Variants in L3MBTL1 observed in about 807,000 individuals in gnomAD.
L3MBTL1 encodes L3MBTL histone methyl-lysine binding protein 1.
Under a neutral mutation model 105.3 loss-of-function variants are expected in L3MBTL1, and 75 were observed. The ratio of observed to expected loss-of-function variants is 0.71; its 90% CI spans 0.59 to 0.86. L3MBTL1 has a LOEUF of 0.86. Ranked by LOEUF, L3MBTL1 falls within the 40% of genes least tolerant of loss-of-function variation. The pLI is 0.00. For missense variants in L3MBTL1, 1,069 were observed against 1,126.4 expected (o/e 0.95, Z 0.73); for synonymous variants, 452 against 436.2 (o/e 1.04, Z -0.45).
At chr20:43,529,065 C>T (rs1439545629) in intron 8 of L3MBTL1, 199 bp from the exon 9 acceptor site, 2 of 607,132 alleles carry the variant, frequency 3.3e-6, no homozygotes, top group Non-Finnish European at 5.9e-6. Context: ...CCAGCCCTGA[C>T]TCACCCACAT....
At chr20:43,510,550 G>A (rs571123801) in intron 1 of L3MBTL1, among the ~76,000 whole-genome samples, 13 of 146,670 alleles carry the variant, frequency 8.9e-5, no homozygotes, top group East Asian at 6.2e-4. Context: ...GATTACAGGC[G>A]CCTGCCACCA....
At chr20:43,535,960 G>A (rs747714956) in intron 17 of L3MBTL1, 24 bp downstream of exon 17, 13 of 1,601,260 alleles carry the variant, frequency 8.1e-6, no homozygotes, top group Non-Finnish European at 1.1e-5. Context: ...CCTGGTGAGA[G>A]ACCCTCAGCG....
At position 43,525,662 on chromosome 20, in the gene L3MBTL1, G is replaced by T. The variant is rs140043644; in HGVS notation, c.863-2995G>T. On this transcript the variant is annotated intron_variant, in intron 7 of 21. Coordinates refer to ENST00000418998, the MANE Select transcript of L3MBTL1 (RefSeq NM_001377303.1). The stretch of plus-strand genomic sequence containing the variant: ...AGGCAGGAAACTGAATTTGGCTGGG[G>T]GTGTTGGTCAGGGAAGGAATCTAGT... 4.9e-3 allele frequency among the ~76,000 whole-genome samples: 754 copies of T among 152,324 alleles called. 6 individuals are homozygous for T. Among genetic ancestry groups the T allele is most frequent in the African/African-American group, 0.017 (704 of 41,574 alleles).
chr20:43,519,588 A>G (rs2018599733), intron 7 of L3MBTL1, among the ~76,000 whole-genome samples: 2 of 152,200 alleles, frequency 1.3e-5, no homozygotes, highest in Admixed American at 6.5e-5. Context: ...GTGAGTTGAG[A>G]TCGTGCCATT....
chr20:43,542,883 G>A (rs1394146560), downstream of L3MBTL1, among the ~76,000 whole-genome samples: 1 of 152,134 alleles, frequency 6.6e-6, no homozygotes, highest in East Asian at 1.9e-4. Flanking sequence ...GCTGACTGGT[G>A]TTCCATTTCA....
chr20:43,515,553 C>G (rs369969212), intron 6 of L3MBTL1, 138 bp downstream of exon 6: 3 of 1,190,202 alleles, frequency 2.5e-6, no homozygotes, highest in South Asian at 1.6e-5. Context: ...ATTTTGGGGT[C>G]CCATCCTGAG....
rs553920482 is a variant in L3MBTL1, at chr20:43,540,583, C to T, written c.2332-170C>T. 3.6e-4 allele frequency among the ~76,000 whole-genome samples: 55 copies of T among 152,268 alleles called. No homozygotes were observed. In the South Asian group the frequency reaches 0.011, roughly 30 times the overall value. On this transcript the variant is annotated intron_variant, in intron 20 of 21. Transcript: ENST00000418998. ...AGGCTTCGGTCCCAGGCCTCAGAAG[C>T]AAGGGGCCCAACTTGGCACATCTGC...
intron 7 of L3MBTL1, among the ~76,000 whole-genome samples, chr20:43,521,392 G>A (rs1243184353): frequency 6.6e-6 from 1 of 152,160 alleles, no homozygotes; most frequent in Admixed American, 6.5e-5. Context: ...GAAGCTTCCC[G>A]AAGGAATAAG....
chr20:43,507,920 G>A (rs555661030), intron 1 of L3MBTL1, among the ~76,000 whole-genome samples, 176 bp downstream of exon 1: 51 of 152,274 alleles, frequency 3.3e-4, no homozygotes, highest in African/African-American at 1.2e-3. Flanking sequence ...CGGGGAAAGC[G>A]GTCTGGGCGG....
chr20:43,541,798 T>C lies in L3MBTL1; in HGVS notation c.*670T>C, dbSNP rs2019926953. 1 of 982,526 alleles carries C rather than the reference T, an allele frequency of 1.0e-6. No individual in the cohort carries two copies. Among genetic ancestry groups the C allele is most frequent in the Non-Finnish European group, 1.2e-6 (1 of 827,170 alleles). 60.9% of individuals were successfully genotyped at this position (982,526 alleles called of 1,614,324 possible). A position where few individuals can be genotyped will look rare whatever the true frequency, so the allele number is the denominator to read the frequency against. On this transcript the variant is annotated 3_prime_UTR_variant, in exon 22 of 22. Coordinates refer to ENST00000418998, the MANE Select transcript of L3MBTL1 (RefSeq NM_001377303.1). Reference sequence around the variant, plus strand: ...ATGGCTGTGTATCACTAGTATATAATAGAGCAATATTATGGAGGAATATGT... The same window carrying C: ...ATGGCTGTGTATCACTAGTATATAACAGAGCAATATTATGGAGGAATATGT...
chr20:43,509,927 G>A lies in L3MBTL1; in HGVS notation c.-29+2183G>A, dbSNP rs147870330. Among the ~76,000 whole-genome samples, 1,240 of 152,246 alleles carry A rather than the reference G, an allele frequency of 8.1e-3. 42 individuals carry two copies. The South Asian group carries it at 0.12, about 14-fold the overall frequency. On this transcript the variant is annotated intron_variant, in intron 1 of 21. Coordinates refer to ENST00000418998, the MANE Select transcript of L3MBTL1 (RefSeq NM_001377303.1). Reference sequence around the variant, plus strand: ...CACTCAGGCTGGAGTGCAGTGGCGCGATCTTGGCTCACTGCAACCTCCACC... The same window carrying A: ...CACTCAGGCTGGAGTGCAGTGGCGCAATCTTGGCTCACTGCAACCTCCACC...
chr20:43,528,607 C>A, intron 7 of L3MBTL1, 50 bp from the exon 8 acceptor site: 1 of 1,411,708 alleles, frequency 7.1e-7, no homozygotes, highest in South Asian at 1.2e-5. Context: ...CGAAGAAAGT[C>A]ATATATCAGG....
At chr20:43,525,130 G>C (rs946553713) in intron 7 of L3MBTL1, among the ~76,000 whole-genome samples, 2 of 149,958 alleles carry the variant, frequency 1.3e-5, no homozygotes, top group Non-Finnish European at 3.0e-5. Context: ...AAAAAAAAAA[G>C]GCATAAAGTA....
rs778975108 is a variant in L3MBTL1, at chr20:43,514,301, TG to T, written c.360+245del. 9.1e-5 allele frequency: 79 copies of T among 867,404 alleles called. 2 individuals are homozygous for T. Among genetic ancestry groups the T allele is most frequent in the East Asian group, 5.4e-4 (20 of 37,368 alleles). The allele number at this position is 867,404 out of a possible 1,614,324, so 53.7% of individuals were successfully genotyped here. On this transcript the variant is annotated intron_variant, in intron 3 of 21. Coordinates refer to ENST00000418998, the MANE Select transcript of L3MBTL1 (RefSeq NM_001377303.1). The stretch of plus-strand genomic sequence containing the variant: ...CTCTGGGACTGGGCCTGTGGGTGTC[TG>T]GGGGCGTGGCTTAGACTGGGGCACC...
At position 43,532,922 on chromosome 20, in the gene L3MBTL1, C is replaced by T; in HGVS notation, c.1434C>T (p.Tyr478=). The change falls in exon 12 of 22, where the codon TAC becomes TAT. Residue 478 remains tyrosine, a splice_region_variant and synonymous_variant. Transcript: ENST00000418998. ...ACAACTGGGATGATACTTATGACTA[C>T]TGGTAGTAGGAGGGCCCAGACTTGG... ...HFDNWDDTYD[Y]WCDPSSPYIH... 6.2e-7 allele frequency: 1 copy of T among 1,614,108 alleles called. No individual in the cohort carries two copies. Among genetic ancestry groups the T allele is most frequent in the Middle Eastern group, 1.7e-4 (1 of 6,060 alleles).
At chr20:43,547,918 T>C (rs1332456508) in intron 18 of L3MBTL1, among the ~76,000 whole-genome samples, 1 of 152,054 alleles carries the variant, frequency 6.6e-6, no homozygotes, top group African/African-American at 2.4e-5. Context: ...GTCTTCCTTT[T>C]TTCCTTTCTC....
Position 43,507,754 on chromosome 20 carries a change from C to T in L3MBTL1, c.-29+10C>T, listed in dbSNP as rs1057145799. The T allele has an allele frequency of 6.6e-5, 10 of 152,258 alleles. No individual in the cohort carries two copies. The highest frequency in any genetic ancestry group is 2.2e-4 in the African/African-American group (9 of 41,576). The allele number at this position is 152,258 out of a possible 1,614,324, so 9.4% of individuals were successfully genotyped here. A position where few individuals can be genotyped will look rare whatever the true frequency, so the allele number is the denominator to read the frequency against. ...CCGGCTGGCCAGGCAGGTAAGCAAC[C>T]AGCGGTGCGTGGGCTCAGACCTTGC... On this transcript the variant is annotated intron_variant, in intron 1 of 21. Coordinates refer to ENST00000418998, the MANE Select transcript of L3MBTL1 (RefSeq NM_001377303.1).
chr20:43,521,209 C>G (rs1317321072), intron 7 of L3MBTL1, among the ~76,000 whole-genome samples: 2 of 152,176 alleles, frequency 1.3e-5, no homozygotes, highest in Non-Finnish European at 2.9e-5. Flanking sequence ...AAATTGAAAG[C>G]AAAAAGACCC....
chr20:43,508,195 T>TC (rs536644208), intron 1 of L3MBTL1, among the ~76,000 whole-genome samples: 9 of 127,878 alleles, frequency 7.0e-5, no homozygotes, highest in African/African-American at 2.4e-4. Flanking sequence ...TTTCTCTCTC[T>TC]TTTTTTTTTT....
Sources: gnomAD v4.1 joint callset for allele counts (sites outside exome capture counted in the v4.1 genomes callset) on GRCh38, gnomAD v4.1.1 for gene constraint, MANE v1.5 for transcripts, NCBI Gene and HGNC (gene_info 2026-07-23, HGNC 2026-07-21) for gene names.